The following BCL2 variants were observed in gnomAD, a reference collection of about 807,000 sequenced individuals.
The protein encoded by BCL2 is apoptosis regulator Bcl-2.
A neutral mutation model predicts 14.2 loss-of-function variants in BCL2; 1 was observed. The ratio of observed to expected loss-of-function variants is 0.07; its 90% CI spans 0.02 to 0.33. The LOEUF is 0.33. BCL2 is among the 10% of genes least tolerant of loss of function. BCL2 has a pLI of 0.99. For missense variants in BCL2, 247 were observed against 305.9 expected (o/e 0.81, Z 1.44); for synonymous variants, 151 against 137.2 (o/e 1.10, Z -0.70).
chr18:63,198,855 A>C (rs1280872384), intron 2 of BCL2, among the ~76,000 whole-genome samples: 1 of 151,734 alleles, frequency 6.6e-6, no homozygotes, highest in African/African-American at 2.4e-5. Flanking sequence ...AGACACAGAG[A>C]CACACACAAA....
At chr18:63,270,951 C>G (rs1911987838) in intron 2 of BCL2, among the ~76,000 whole-genome samples, 1 of 152,030 alleles carries the variant, frequency 6.6e-6, no homozygotes, top group Admixed American at 6.6e-5. Context: ...TCCTGAGTAG[C>G]TGGAACTACA....
At chr18:63,256,223 T>A (rs1234946553) in intron 2 of BCL2, among the ~76,000 whole-genome samples, 1 of 152,080 alleles carries the variant, frequency 6.6e-6, no homozygotes, top group Non-Finnish European at 1.5e-5. Flanking sequence ...TGGAAAAAAA[T>A]TATTATTATT....
chr18:63,287,371 C>T (rs948570707), intron 2 of BCL2, among the ~76,000 whole-genome samples: 1 of 152,046 alleles, frequency 6.6e-6, no homozygotes, highest in East Asian at 1.9e-4. Flanking sequence ...ATGGCATTGA[C>T]GAAGAGGATG....
At chr18:63,287,625 A>C (rs1323664546) in intron 2 of BCL2, among the ~76,000 whole-genome samples, 1 of 152,218 alleles carries the variant, frequency 6.6e-6, no homozygotes, top group African/African-American at 2.4e-5. Flanking sequence ...AGCTACACAA[A>C]AATGATGAAT....
rs753026404 is a variant in BCL2 at position 63,128,191 on chromosome 18, A to G, written c.*434T>C. 42 of 232,682 alleles carry G rather than the reference A, an allele frequency of 1.8e-4. No individual in the cohort carries two copies. The highest frequency in any genetic ancestry group is 1.3e-3 in the Middle Eastern group (1 of 772). The allele number at this position is 232,682 out of a possible 1,614,324, so 14.4% of individuals were successfully genotyped here. A position where few individuals can be genotyped will look rare whatever the true frequency, so the allele number is the denominator to read the frequency against. On this transcript the variant is annotated 3_prime_UTR_variant, in exon 3 of 3. Transcript: ENST00000333681. ...AGCAGCCAGAAAGCCAGCTTCCCCA[A>G]TGATCAGGTCCTTTTTCCATCCGTC...
intron 2 of BCL2, among the ~76,000 whole-genome samples, chr18:63,174,663 T>C (rs1324621936): frequency 6.6e-6 from 1 of 151,706 alleles, no homozygotes; most frequent in African/African-American, 2.4e-5. Context: ...CTACTAAAAA[T>C]ACCAAAACTA....
upstream of BCL2, chr18:63,320,034 T>G (rs1370145575): frequency 6.8e-6 from 1 of 147,240 alleles, no homozygotes. Context: ...GCACCTTCGC[T>G]GGCAGCGGCG....
chr18:63,224,995 G>A (rs1488915070), intron 2 of BCL2, among the ~76,000 whole-genome samples: 1 of 152,058 alleles, frequency 6.6e-6, no homozygotes, highest in East Asian at 1.9e-4. Context: ...CAGGCCGAGA[G>A]AGAAGTCTAG....
rs1913907495 is a variant in BCL2, at chr18:63,126,242, T to C, written c.*2383A>G. On this transcript the variant is annotated 3_prime_UTR_variant, in exon 3 of 3. Transcript: ENST00000333681. ...GAGGTCTGGCTTCATACCACAGGTT[T>C]CCTGCTTTCTTGGTGGAGCGTAAGC... is the stretch of plus-strand genomic sequence containing the variant. The C allele has an allele frequency of 4.6e-6, 1 of 219,656 alleles. No homozygotes were observed. The highest frequency in any genetic ancestry group is 2.2e-5 in the African/African-American group (1 of 44,524). 13.6% of individuals were successfully genotyped at this position (219,656 alleles called of 1,614,324 possible). A position where few individuals can be genotyped will look rare whatever the true frequency, so the allele number is the denominator to read the frequency against.
chr18:63,303,585 A>G (rs773589325), intron 2 of BCL2, among the ~76,000 whole-genome samples: 3 of 152,166 alleles, frequency 2.0e-5, no homozygotes, highest in Non-Finnish European at 4.4e-5. Context: ...GGATTGCCTA[A>G]ATAAAGGATG....
At chr18:63,279,227 A>C (rs192975319) in intron 2 of BCL2, among the ~76,000 whole-genome samples, 13 of 152,380 alleles carry the variant, frequency 8.5e-5, no homozygotes, top group Admixed American at 7.8e-4. Flanking sequence ...TCTTTTCATC[A>C]AAAGATTCTG....
intron 2 of BCL2, among the ~76,000 whole-genome samples, chr18:63,269,917 T>C (rs1911954968): frequency 6.6e-6 from 1 of 152,192 alleles, no homozygotes; most frequent in Non-Finnish European, 1.5e-5. Context: ...TATAATTTCC[T>C]AGTGTTTTGA....
At chr18:63,276,393 A>G (rs757946075) in intron 2 of BCL2, among the ~76,000 whole-genome samples, 2 of 152,190 alleles carry the variant, frequency 1.3e-5, no homozygotes, top group African/African-American at 4.8e-5. Context: ...TAGTCACAGG[A>G]CAATTGGGAG....
chr18:63,158,872 G>T (rs1914848234), intron 2 of BCL2, among the ~76,000 whole-genome samples: 1 of 152,152 alleles, frequency 6.6e-6, no homozygotes, highest in Admixed American at 6.5e-5. Flanking sequence ...ATAGATTTAT[G>T]CTCAGGTTAT....
chr18:63,153,568 A>C (rs1312617713), intron 2 of BCL2, among the ~76,000 whole-genome samples: 2 of 149,058 alleles, frequency 1.3e-5, no homozygotes, highest in Admixed American at 1.3e-4. Context: ...TAAGTTCTTA[A>C]AGAAAAAATT....
intron 2 of BCL2, among the ~76,000 whole-genome samples, chr18:63,211,819 G>A (rs1339160388): frequency 2.6e-5 from 4 of 152,222 alleles, no homozygotes; most frequent in African/African-American, 9.7e-5. Context: ...AAGGTCCCCT[G>A]CGGCAGCACC....
Position 63,196,028 on chromosome 18 carries a change from C to T in BCL2, c.586-67269G>A, listed in dbSNP as rs950686583. ...TAATTTAACCAGCTTTTAGGTACAG[C>T]GGAATCAGCAGTTAAATTACAGCAC... On this transcript the variant is annotated intron_variant, in intron 2 of 2. Coordinates refer to ENST00000333681, the MANE Select transcript of BCL2 (RefSeq NM_000633.3). Among the ~76,000 whole-genome samples the T allele has an allele frequency of 4.6e-5, 7 of 152,166 alleles. No individual in the cohort carries two copies. The South Asian group carries it at 1.2e-3, about 27-fold the overall frequency.
At chr18:63,304,995 C>A (rs894520906) in intron 2 of BCL2, among the ~76,000 whole-genome samples, 1 of 152,178 alleles carries the variant, frequency 6.6e-6, no homozygotes, top group African/African-American at 2.4e-5. Context: ...TTTTACAGGG[C>A]CTTCAAGTGT....
chr18:63,256,792 A>G (rs1911490632), intron 2 of BCL2, among the ~76,000 whole-genome samples: 1 of 152,148 alleles, frequency 6.6e-6, no homozygotes, highest in Non-Finnish European at 1.5e-5. Context: ...CATCTTCCAT[A>G]CCAGGTCCTA....
Sources: gnomAD v4.1 joint callset for allele counts (sites outside exome capture counted in the v4.1 genomes callset) on GRCh38, gnomAD v4.1.1 for gene constraint, MANE v1.5 for transcripts, NCBI Gene and HGNC (gene_info 2026-07-23, HGNC 2026-07-21) for gene names.